Variants in MED13 observed in about 807,000 individuals in gnomAD.
MED13 encodes the protein mediator of RNA polymerase II transcription subunit 13.
MED13 carries 23 observed loss-of-function variants against 225.2 expected under a neutral mutation model. That is an observed-to-expected ratio of 0.10 (90% CI 0.07 to 0.14). The LOEUF is 0.14. MED13 is among the 10% of genes least tolerant of loss of function. The probability of loss-of-function intolerance (pLI) is 1.00; values close to 1 mark genes in which losing one functional copy is unlikely to be tolerated. For missense variants in MED13, 2,197 were observed against 2,594.5 expected, an observed-to-expected ratio of 0.85 and a Z score of 3.33; for synonymous variants, 942 against 889.2, an observed-to-expected ratio of 1.06 and a Z score of -1.06.
rs397857634 is a variant in MED13, at chr17:62,037,955, C to CAAAAAA, written c.471-2353_471-2348dup. On this transcript the variant is annotated intron_variant, in intron 3 of 29. Transcript: ENST00000397786. ...TGGGCAACAGAGTGAGACTTCATCTCAAAAAAAAAAAAAAAAAAAAAAAAA... is the reference window on the plus strand; with the variant it reads ...TGGGCAACAGAGTGAGACTTCATCTCAAAAAAAAAAAAAAAAAAAAAAAAAAAAAAA... Among the ~76,000 whole-genome samples the CAAAAAA allele has an allele frequency of 2.3e-3, 151 of 64,762 alleles. 6 individuals are homozygous for CAAAAAA. Among genetic ancestry groups the CAAAAAA allele is most frequent in the East Asian group, 2.9e-3 (6 of 2,064 alleles). The allele number at this position is 64,762 out of a possible 152,430, so 42.5% of individuals were successfully genotyped here.
At chr17:61,997,972 T>C (rs775903261) in intron 9 of MED13, among the ~76,000 whole-genome samples, 2 of 152,238 alleles carry the variant, frequency 1.3e-5, no homozygotes, top group Non-Finnish European at 2.9e-5. Flanking sequence ...TGTTATTTTA[T>C]TGAATCATTC....
At chr17:61,995,555 G>A (rs928505230) in intron 9 of MED13, among the ~76,000 whole-genome samples, 190 bp from the exon 10 acceptor site, 3 of 152,126 alleles carry the variant, frequency 2.0e-5, no homozygotes, top group Non-Finnish European at 4.4e-5. Flanking sequence ...ATAGAGAAAT[G>A]GGGCCAAAAT....
intron 3 of MED13, among the ~76,000 whole-genome samples, chr17:62,050,138 C>T (rs2080942912): frequency 6.6e-6 from 1 of 151,764 alleles, no homozygotes; most frequent in South Asian, 2.1e-4. Context: ...GTGAGTGGAT[C>T]ACTTGAGGTC....
At chr17:61,990,198 G>C (rs1229653004) in intron 11 of MED13, among the ~76,000 whole-genome samples, 1 of 152,066 alleles carries the variant, frequency 6.6e-6, no homozygotes, top group East Asian at 1.9e-4. Flanking sequence ...GCTGAAAGTA[G>C]ATTTTAAGTA....
At chr17:62,056,342 C>T (rs568404612) in intron 2 of MED13, among the ~76,000 whole-genome samples, 11 of 152,302 alleles carry the variant, frequency 7.2e-5, no homozygotes, top group African/African-American at 2.6e-4. Flanking sequence ...GAAACAAGTT[C>T]TTGAATCTCA....
chr17:62,048,060 A>ATATATG (rs2080917355), intron 3 of MED13, among the ~76,000 whole-genome samples: 1 of 143,574 alleles, frequency 7.0e-6, no homozygotes, highest in African/African-American at 2.5e-5. Flanking sequence ...ATATATATAT[A>ATATATG]TATGTATATA....
Position 61,968,107 on chromosome 17 carries a change from T to C in MED13, c.4119A>G (p.Val1373=). The change falls in exon 18 of 30, where the codon GTA becomes GTG. Residue 1373 remains valine (V), a synonymous_variant. Transcript: ENST00000397786. The part of the protein sequence containing the change: ...YGSQRDIAYV[V]LCPENEALLN... ...ACAAGGCTTCATTTTCTGGACACAG[T>C]ACAACATAGGCTATATCTCTTTGAG... is the stretch of plus-strand genomic sequence containing the variant. 6.2e-7 allele frequency: 1 copy of C among 1,614,050 alleles called. No homozygotes were observed. Among genetic ancestry groups the C allele is most frequent in the Non-Finnish European group, 8.5e-7 (1 of 1,179,976 alleles).
chr17:61,964,181 G>C (rs528091588), intron 20 of MED13, among the ~76,000 whole-genome samples: 1 of 152,284 alleles, frequency 6.6e-6, no homozygotes, highest in Non-Finnish European at 1.5e-5. Context: ...TGGGTATCTG[G>C]ACTATATGGT....
chr17:61,984,590 C>T (rs1603397233), intron 14 of MED13, 61 bp downstream of exon 14: 1 of 1,415,776 alleles, frequency 7.1e-7, no homozygotes, highest in East Asian at 2.5e-5. Context: ...ACTATAGCAA[C>T]AAATTAATTC....
chr17:61,979,786 A>C (rs1334182413), intron 16 of MED13, among the ~76,000 whole-genome samples: 2 of 152,192 alleles, frequency 1.3e-5, no homozygotes, highest in Non-Finnish European at 2.9e-5. Flanking sequence ...AGATTGACTG[A>C]AACTGCCTAT....
rs766909961 is a variant in MED13 at position 62,008,317 on chromosome 17, CAAAAAAA to C, written c.1967+2226_1967+2232del. Among the ~76,000 whole-genome samples, 115 of 33,210 alleles carry C rather than the reference CAAAAAAA, an allele frequency of 3.5e-3. 1 individual carries two copies. The highest frequency in any genetic ancestry group is 9.5e-3 in the African/African-American group (89 of 9,328). The allele number at this position is 33,210 out of a possible 152,430, so 21.8% of individuals were successfully genotyped here. A position where few individuals can be genotyped will look rare whatever the true frequency, so the allele number is the denominator to read the frequency against. On this transcript the variant is annotated intron_variant, in intron 9 of 29. Coordinates refer to ENST00000397786, the MANE Select transcript of MED13 (RefSeq NM_005121.3). ...TGGGCCACAGAGCGAGGCTCTGTCT[CAAAAAAA>C]AAAAAAAAAAAAAAAAAAATTGAGT...
In MED13 at chr17:61,982,595, G is replaced by A. The variant is rs773878506; in HGVS notation, c.3408C>T (p.Asn1136=). 3 of 1,614,082 alleles carry A rather than the reference G, an allele frequency of 1.9e-6. No homozygotes were observed. In the Admixed American group the frequency reaches 5.0e-5, roughly 27 times the overall value. The change falls in exon 16 of 30, where the codon AAC becomes AAT. Residue 1136 remains asparagine (N), a synonymous_variant. Coordinates refer to ENST00000397786, the MANE Select transcript of MED13 (RefSeq NM_005121.3). The part of the protein sequence containing the change: ...FSAVMNRKFG[N]NSGLFLEDEL... ...CATCTTCAAGAAATAATCCTGAATT[G>A]TTTCCAAATTTTCTGTTCATGACAG...
chr17:62,063,837 C>G (rs1337511736), intron 1 of MED13, among the ~76,000 whole-genome samples: 1 of 152,186 alleles, frequency 6.6e-6, no homozygotes, highest in Admixed American at 6.5e-5. Flanking sequence ...TTGTGCTAGT[C>G]TATCTTCAAA....
intron 8 of MED13, among the ~76,000 whole-genome samples, chr17:62,018,691 G>T (rs2143628263): frequency 6.7e-6 from 1 of 149,762 alleles, no homozygotes; most frequent in East Asian, 2.0e-4. Flanking sequence ...TCCTGCCTGG[G>T]CAACAGAGGC....
chr17:61,956,833 A>G (rs1448732388), intron 23 of MED13, among the ~76,000 whole-genome samples: 1 of 152,022 alleles, frequency 6.6e-6, no homozygotes, highest in African/African-American at 2.4e-5. Flanking sequence ...CCACCGTGCC[A>G]TCCCGACATT....
Position 61,982,715 on chromosome 17 carries a change from A to G in MED13, c.3288T>C (p.Cys1096=). 1 of 1,614,230 alleles carries G rather than the reference A, an allele frequency of 6.2e-7. No individual in the cohort carries two copies. Among genetic ancestry groups the G allele is most frequent in the South Asian group, 1.1e-5 (1 of 91,088 alleles). Residue 1096 remains cysteine (C), a synonymous_variant, in exon 16 of 30, where the codon TGT becomes TGC. Transcript: ENST00000397786. ...CACCCTTGATGTTCATGTTGCAAAC[A>G]CAGATGCAACAACTATCAAAGTTAC... The part of the protein sequence containing the change: ...KDCNFDSCCI[C]VCNMNIKGAD...
rs1174340361 is a variant in MED13, at chr17:61,944,945, G to C, written c.*1523C>G. The C allele has an allele frequency of 6.6e-6, 1 of 152,586 alleles. No individual in the cohort carries two copies. Among genetic ancestry groups the C allele is most frequent in the Non-Finnish European group, 1.5e-5 (1 of 68,044 alleles). 9.5% of individuals were successfully genotyped at this position (152,586 alleles called of 1,614,324 possible). On this transcript the variant is annotated 3_prime_UTR_variant, in exon 30 of 30. Transcript: ENST00000397786. ...TATCTTGGCATGTGCAAACAAGAAG[G>C]GGGAAAGTTGTATTGAAGGAGGGGT...
intron 3 of MED13, among the ~76,000 whole-genome samples, chr17:62,047,033 C>A (rs76122505): frequency 1.4e-5 from 2 of 141,734 alleles, no homozygotes; most frequent in South Asian, 4.5e-4. Flanking sequence ...CTGTGCCCAG[C>A]TTTTTTTTTT....
At chr17:61,993,258 G>A (rs1340351886) in intron 10 of MED13, among the ~76,000 whole-genome samples, 1 of 137,406 alleles carries the variant, frequency 7.3e-6, no homozygotes, top group Admixed American at 7.6e-5. Context: ...CTAGAGTGCA[G>A]TGGCATGATC....
Sources: gnomAD v4.1 joint callset for allele counts (sites outside exome capture counted in the v4.1 genomes callset) on GRCh38, gnomAD v4.1.1 for gene constraint, MANE v1.5 for transcripts, NCBI Gene and HGNC (gene_info 2026-07-23, HGNC 2026-07-21) for gene names.